Variants in ACAP1 observed in about 807,000 individuals in gnomAD.
The protein encoded by ACAP1 is ArfGAP with coiled-coil, ankyrin repeat and PH domains 1.
Under a neutral mutation model 98.8 loss-of-function variants are expected in ACAP1, and 45 were observed. The ratio of observed to expected loss-of-function variants is 0.46; its 90% CI spans 0.36 to 0.58. ACAP1 has a LOEUF of 0.58. ACAP1 is among the 20% of genes least tolerant of loss of function. ACAP1 has a pLI of 0.00. For missense variants in ACAP1, 735 were observed against 971.4 expected (o/e 0.76, Z 3.24); for synonymous variants, 362 against 375.3 (o/e 0.96, Z 0.41).
At chr17:7,342,234 AC>A in intron 3 of ACAP1, 40 bp from the exon 4 acceptor site, 1 of 1,611,716 alleles carries the variant, frequency 6.2e-7, no homozygotes, top group Non-Finnish European at 8.5e-7. Context: ...GGGTGCTGCC[AC>A]CCCATGCCTG....
intron 2 of ACAP1, 35 bp from the exon 3 acceptor site, chr17:7,341,913 T>C (rs2073284372): frequency 1.2e-6 from 2 of 1,612,584 alleles, no homozygotes; most frequent in South Asian, 2.2e-5. Flanking sequence ...GTGAGGATGA[T>C]GGCACAGCTC....
rs2143018294 is a variant in ACAP1 at position 7,349,182 on chromosome 17, G to A, written c.1851+15G>A. 6.2e-7 allele frequency: 1 copy of A among 1,613,220 alleles called. No homozygotes were observed. Among genetic ancestry groups the A allele is most frequent in the Middle Eastern group, 1.7e-4 (1 of 6,032 alleles). Reference sequence around the variant, plus strand: ...CCACAGCTGCTGTAAGAGCCCTGCTGACCTCTCCACCCCACCCTAGGGCTC... The same window carrying A: ...CCACAGCTGCTGTAAGAGCCCTGCTAACCTCTCCACCCCACCCTAGGGCTC... On this transcript the variant is annotated intron_variant, in intron 18 of 21. Coordinates refer to ENST00000158762, the MANE Select transcript of ACAP1 (RefSeq NM_014716.4).
At chr17:7,349,742 G>C in intron 18 of ACAP1, 1 of 508,220 alleles carries the variant, frequency 2.0e-6, no homozygotes, top group Non-Finnish European at 3.5e-6. Context: ...TACCTCAAAA[G>C]CTTGTACTAT....
At chr17:7,349,378 ACT>A in intron 18 of ACAP1, 1 of 490,562 alleles carries the variant, frequency 2.0e-6, no homozygotes, top group Admixed American at 3.8e-5. Flanking sequence ...CTTACAGGAG[ACT>A]TTTTTTTTTT....
Position 7,350,038 on chromosome 17 carries a change from A to G in ACAP1, c.1945A>G (p.Ile649Val). The change falls in exon 19 of 22, where the codon ATT (isoleucine) becomes GTT (valine). Residue 649 changes from isoleucine (I) to valine (V), a missense_variant. Around this residue, in one of 5 missense-constraint regions of ACAP1, gnomAD observed 142 missense variants for 224.1 expected, o/e 0.63. Coordinates refer to ENST00000158762, the MANE Select transcript of ACAP1 (RefSeq NM_014716.4). The surrounding 1 kb of genome is among the most constrained non-coding windows in gnomAD (Gnocchi z 4.6). Reference sequence around the variant, plus strand: ...CCGGGGCCCGCTGCACCACGCAACCATTCTTGGCCACACGGGGTAGGGATG... The same window carrying G: ...CCGGGGCCCGCTGCACCACGCAACCGTTCTTGGCCACACGGGGTAGGGATG... ...AGRGPLHHAT[I>V]LGHTGLACLF... is the part of the protein sequence containing the mutation. The G allele has an allele frequency of 6.2e-7, 1 of 1,613,198 alleles. No individual in the cohort carries two copies. The highest frequency in any genetic ancestry group is 8.5e-7 in the Non-Finnish European group (1 of 1,179,328).
chr17:7,337,300 C>A lies in ACAP1; in HGVS notation c.54-12C>A, dbSNP rs201523388. On this transcript the variant is annotated splice_polypyrimidine_tract_variant and intron_variant, in intron 1 of 21. Transcript: ENST00000158762. ...GACCCAAGCTCTCTTCCCATGACCC[C>A]CTCTTTCCCAGAGCCTCTATTGAGC... 4.8e-5 allele frequency: 77 copies of A among 1,613,774 alleles called. No homozygotes were observed. The highest frequency in any genetic ancestry group is 3.3e-4 in the Middle Eastern group (2 of 6,084).
chr17:7,348,673 G>T, intron 17 of ACAP1, 198 bp downstream of exon 17: 1 of 645,632 alleles, frequency 1.5e-6, no homozygotes, highest in South Asian at 2.5e-5. Flanking sequence ...GGGCAGGGAG[G>T]GTAAGGGGTG....
chr17:7,350,051 C>T lies in ACAP1; in HGVS notation c.1958C>T (p.Thr653Met), dbSNP rs750548898. 6.2e-7 allele frequency: 1 copy of T among 1,612,968 alleles called. No homozygotes were observed. Among genetic ancestry groups the T allele is most frequent in the East Asian group, 2.2e-5 (1 of 44,840 alleles). The change falls in exon 19 of 22, where the codon ACG (threonine) becomes ATG (methionine). Residue 653 changes from threonine to methionine, a missense_variant. Coordinates refer to ENST00000158762, the MANE Select transcript of ACAP1 (RefSeq NM_014716.4). The surrounding 1 kb of genome is among the most constrained non-coding windows in gnomAD (Gnocchi z 4.6). Reference sequence around the variant, plus strand: ...CACCACGCAACCATTCTTGGCCACACGGGGTAGGGATGATGGCATGGGGAG... The same window carrying T: ...CACCACGCAACCATTCTTGGCCACATGGGGTAGGGATGATGGCATGGGGAG... ...PLHHATILGHTGLACLFLKRG... is the reference protein window; with the variant it reads ...PLHHATILGHMGLACLFLKRG...
Position 7,350,999 on chromosome 17 carries a change from G to A in ACAP1, c.2122G>A (p.Gly708Arg), listed in dbSNP as rs750919984. Reference sequence around the variant, plus strand: ...GGCTGAAGCGGCCCAGGGGCAGGCAGGTAAAGAATACACCCACCCCACCCC... The same window carrying A: ...GGCTGAAGCGGCCCAGGGGCAGGCAAGTAAAGAATACACCCACCCCACCCC... ...REAEAAQGQA[G>R]DETYLDIFRD... Residue 708 changes from glycine to arginine, a missense_variant and splice_region_variant, in exon 21 of 22, where the codon GGA becomes AGA. This residue lies in a region of ACAP1 where 142 missense variants were observed against 224.1 expected (regional missense o/e 0.63). Transcript: ENST00000158762. This position sits in a 1 kb window ranked among gnomAD's most constrained non-coding sequence, Gnocchi z 4.6. 3 of 1,614,148 alleles carry A rather than the reference G, an allele frequency of 1.9e-6. No individual in the cohort carries two copies.
chr17:7,344,748 C>G lies in ACAP1; in HGVS notation c.854+100C>G. 2.5e-6 allele frequency: 2 copies of G among 796,196 alleles called. No homozygotes were observed. Among genetic ancestry groups the G allele is most frequent in the Non-Finnish European group, 2.1e-6 (1 of 483,206 alleles). The allele number at this position is 796,196 out of a possible 1,614,324, so 49.3% of individuals were successfully genotyped here. A position where few individuals can be genotyped will look rare whatever the true frequency, so the allele number is the denominator to read the frequency against. On this transcript the variant is annotated intron_variant, in intron 10 of 21. Coordinates refer to ENST00000158762, the MANE Select transcript of ACAP1 (RefSeq NM_014716.4). This position sits in a 1 kb window ranked among gnomAD's most constrained non-coding sequence, Gnocchi z 4.9. Reference sequence around the variant, plus strand: ...CTGCAAGGAAAAACAGACGAACCCCCCTGCCTCAGTAGAGTTTCATTCCAT... The same window carrying G: ...CTGCAAGGAAAAACAGACGAACCCCGCTGCCTCAGTAGAGTTTCATTCCAT...
At chr17:7,342,650 G>A (rs529453081) in intron 5 of ACAP1, 176 bp downstream of exon 5, 20 of 735,696 alleles carry the variant, frequency 2.7e-5, no homozygotes, top group Admixed American at 7.6e-5. Context: ...CTATGATCCC[G>A]GCATTTTGGG....
chr17:7,348,602 C>T (rs756378240), intron 17 of ACAP1, 127 bp downstream of exon 17: 156 of 1,076,044 alleles, frequency 1.4e-4, no homozygotes, highest in Middle Eastern at 3.1e-4. Context: ...ACCGGACTGC[C>T]GTTTCAGGGG....
Position 7,350,490 on chromosome 17 carries a change from G to T in ACAP1, c.2072+253G>T. ...TGGCCCACCCTGAGAGGCGTAATTC[G>T]CCCATCAACATTGCTGTCAGGCATC... On this transcript the variant is annotated intron_variant, in intron 20 of 21. Coordinates refer to ENST00000158762, the MANE Select transcript of ACAP1 (RefSeq NM_014716.4). The surrounding 1 kb of genome is among the most constrained non-coding windows in gnomAD (Gnocchi z 4.6). The T allele has an allele frequency of 1.8e-6, 1 of 557,888 alleles. No homozygotes were observed. The highest frequency in any genetic ancestry group is 3.2e-6 in the Non-Finnish European group (1 of 313,610). 34.6% of individuals were successfully genotyped at this position (557,888 alleles called of 1,614,324 possible).
At chr17:7,336,930 C>T in intron 1 of ACAP1, 143 bp downstream of exon 1, 3 of 848,242 alleles carry the variant, frequency 3.5e-6, no homozygotes, top group Non-Finnish European at 5.7e-6. Context: ...AGTGGTACCC[C>T]AGCTGTGAAA....
At chr17:7,346,198 T>A in intron 10 of ACAP1, 46 bp from the exon 11 acceptor site, 1 of 1,591,236 alleles carries the variant, frequency 6.3e-7, no homozygotes, top group South Asian at 1.1e-5. Context: ...CTTCCGTCCC[T>A]CATCCTAAAG....
At chr17:7,345,495 TG>T in intron 10 of ACAP1, 1 of 152,198 alleles carries the variant, frequency 6.6e-6, no homozygotes, top group East Asian at 1.9e-4. Context: ...GGCTAATTTT[TG>T]TATTTTTGGT....
At chr17:7,348,611 G>A (rs1157864545) in intron 17 of ACAP1, 136 bp downstream of exon 17, 2 of 996,670 alleles carry the variant, frequency 2.0e-6, no homozygotes, top group African/African-American at 3.3e-5. Context: ...CCGTTTCAGG[G>A]GTTACGGTGG....
intron 2 of ACAP1, among the ~76,000 whole-genome samples, chr17:7,340,009 C>T (rs772354217): frequency 3.3e-5 from 5 of 152,144 alleles, no homozygotes; most frequent in African/African-American, 7.2e-5. Flanking sequence ...GCCTGTCATC[C>T]CAACTACTCA....
At chr17:7,339,993 G>A (rs76228989) in intron 2 of ACAP1, among the ~76,000 whole-genome samples, 1,625 of 152,234 alleles carry the variant, frequency 0.011, 35 homozygotes, top group African/African-American at 0.037. Flanking sequence ...GGGTGTGGTC[G>A]CTCATGCCTG....
Sources: gnomAD v4.1 joint callset for allele counts (sites outside exome capture counted in the v4.1 genomes callset) on GRCh38, gnomAD v4.1.1 for gene constraint, gnomAD v4.1.1 regional missense constraint, Gnocchi (gnomAD v3.1) non-coding constraint, MANE v1.5 for transcripts, NCBI Gene and HGNC (gene_info 2026-07-23, HGNC 2026-07-21) for gene names.